Variants in ADK observed in about 807,000 individuals in gnomAD.
ADK encodes adenosine kinase.
A neutral mutation model predicts 44.7 loss-of-function variants in ADK; 24 were observed. That is an observed-to-expected ratio of 0.54 (90% CI 0.39 to 0.76). The LOEUF is 0.76. Among genes scored for constraint, ADK ranks in the 30% least tolerant of loss-of-function variants. The pLI, the probability that ADK is intolerant of heterozygous loss-of-function variation, is 0.00. For synonymous variants in ADK, 128 were observed against 142.6 expected, an observed-to-expected ratio of 0.90 and a Z score of 0.73; for missense variants, 321 against 425.1, an observed-to-expected ratio of 0.76 and a Z score of 2.15.
intron 2 of ADK, among the ~76,000 whole-genome samples, chr10:74,219,072 G>C (rs1231767181): frequency 6.6e-6 from 1 of 152,018 alleles, no homozygotes; most frequent in Non-Finnish European, 1.5e-5. Flanking sequence ...ACACAGACTG[G>C]CAAATTGGAT....
chr10:74,623,536 A>G (rs1853075013), intron 9 of ADK, among the ~76,000 whole-genome samples: 1 of 151,946 alleles, frequency 6.6e-6, no homozygotes, highest in Non-Finnish European at 1.5e-5. Flanking sequence ...CAATTCTAAG[A>G]CTTCTCTTTA....
chr10:74,195,836 G>A (rs948221926), intron 1 of ADK, among the ~76,000 whole-genome samples: 44 of 149,660 alleles, frequency 2.9e-4, no homozygotes, highest in Admixed American at 2.4e-3. Flanking sequence ...GCCACCACAC[G>A]CGGCTAATTT....
chr10:74,552,227 A>G (rs1362659784), intron 7 of ADK, among the ~76,000 whole-genome samples: 1 of 152,128 alleles, frequency 6.6e-6, no homozygotes, highest in Non-Finnish European at 1.5e-5. Context: ...GAAATGTCTT[A>G]GCCCTTTCCA....
chr10:74,642,073 G>A (rs1001861128), intron 9 of ADK, among the ~76,000 whole-genome samples: 22 of 152,162 alleles, frequency 1.4e-4, no homozygotes, highest in Non-Finnish European at 3.2e-4. Context: ...TATCACAACA[G>A]ATTGAATACT....
At chr10:74,287,247 G>A (rs1847202596) in intron 3 of ADK, among the ~76,000 whole-genome samples, 2 of 152,048 alleles carry the variant, frequency 1.3e-5, no homozygotes, top group Admixed American at 6.6e-5. Flanking sequence ...GGCAGATCAC[G>A]TGGTCAGGAG....
intron 4 of ADK, among the ~76,000 whole-genome samples, chr10:74,334,786 G>T (rs1222508876): frequency 5.3e-5 from 8 of 152,090 alleles, no homozygotes; most frequent in Admixed American, 5.2e-4. Flanking sequence ...CTGGTCTCCA[G>T]AGCAGACTTG....
chr10:74,708,344 G>T lies in ADK; in HGVS notation c.988G>T (p.Asp330Tyr). ...AGGTTTTCTGTCTCAACTGGTCTCT[G>T]ACAAGCCTCTGACTGAATGTATCCG... ...VGGFLSQLVS[D>Y]KPLTECIRAG... The change falls in exon 11 of 11, where the codon GAC becomes TAC. Residue 330 changes from aspartate (D) to tyrosine (Y), a missense_variant. Asp to Tyr is a radical substitution (Grantham distance 160, BLOSUM62 -3). Coordinates refer to ENST00000539909, the MANE Select transcript of ADK (RefSeq NM_006721.4). 6.2e-7 allele frequency: 1 copy of T among 1,611,294 alleles called. No homozygotes were observed. The highest frequency in any genetic ancestry group is 1.1e-5 in the South Asian group (1 of 91,008).
intron 9 of ADK, among the ~76,000 whole-genome samples, chr10:74,628,038 G>T (rs998703132): frequency 6.6e-5 from 10 of 152,116 alleles, no homozygotes; most frequent in African/African-American, 9.7e-5. Flanking sequence ...GGGATCATTA[G>T]GTTTCTTTGA....
rs73276274 is a variant in ADK at position 74,634,948 on chromosome 10, A to G, written c.877+34455A>G. On this transcript the variant is annotated intron_variant, in intron 9 of 10. Transcript: ENST00000539909. ...TGGACAGAGCAAGACTCCATCTCAG[A>G]AAAAAAACCCACAAAAACAGAGAAC... Among the ~76,000 whole-genome samples the G allele has an allele frequency of 7.9e-3, 1,207 of 152,016 alleles. 14 individuals carry two copies. Among genetic ancestry groups the G allele is most frequent in the African/African-American group, 0.027 (1,134 of 41,470 alleles).
rs149001449 is a variant in ADK, at chr10:74,680,982, A to T, written c.964+10713A>T. On this transcript the variant is annotated intron_variant, in intron 10 of 10. Coordinates refer to ENST00000539909, the MANE Select transcript of ADK (RefSeq NM_006721.4). ...ATGCTCTTAAAATTTTAGAACCATC[A>T]TGCTATGAGAAATTTTCAGTTGATC... Among the ~76,000 whole-genome samples, 8 of 152,348 alleles carry T rather than the reference A, an allele frequency of 5.3e-5. No individual in the cohort carries two copies. The East Asian group carries it at 1.5e-3, about 29-fold the overall frequency.
intron 7 of ADK, among the ~76,000 whole-genome samples, chr10:74,583,229 A>G (rs116209938): frequency 6.6e-6 from 1 of 152,174 alleles, no homozygotes; most frequent in Non-Finnish European, 1.5e-5. Flanking sequence ...GTTAAATTTC[A>G]GCATGACTTA....
At chr10:74,205,309 A>G (rs367597249) in intron 2 of ADK, among the ~76,000 whole-genome samples, 1 of 152,176 alleles carries the variant, frequency 6.6e-6, no homozygotes, top group East Asian at 1.9e-4. Flanking sequence ...ACTTACCCAC[A>G]TTATCACTCT....
chr10:74,158,007 C>A (rs1841800131), intron 1 of ADK, among the ~76,000 whole-genome samples: 1 of 151,612 alleles, frequency 6.6e-6, no homozygotes. Flanking sequence ...TTAAGAAAGA[C>A]CAGTTCTCAG....
At chr10:74,188,438 T>C (rs1008200055) in intron 1 of ADK, among the ~76,000 whole-genome samples, 1 of 135,472 alleles carries the variant, frequency 7.4e-6, no homozygotes, top group African/African-American at 2.7e-5. Context: ...AAGCTCCGCC[T>C]CCCGGGTTCA....
chr10:74,484,070 C>T (rs1295541149), intron 6 of ADK, among the ~76,000 whole-genome samples: 6 of 152,224 alleles, frequency 3.9e-5, no homozygotes, highest in East Asian at 1.9e-4. Flanking sequence ...ACCATTTTTC[C>T]GTATTAGTTT....
At chr10:74,196,666 G>A (rs1843165534) in intron 1 of ADK, among the ~76,000 whole-genome samples, 1 of 152,114 alleles carries the variant, frequency 6.6e-6, no homozygotes, top group African/African-American at 2.4e-5. Context: ...ACTTTCAGTT[G>A]TAAGTAACTA....
chr10:74,495,308 T>TC (rs1048167388), intron 6 of ADK, among the ~76,000 whole-genome samples: 2 of 152,138 alleles, frequency 1.3e-5, no homozygotes, highest in Non-Finnish European at 2.9e-5. Flanking sequence ...TCCTTTTTTT[T>TC]CTCTTTCATT....
intron 10 of ADK, among the ~76,000 whole-genome samples, chr10:74,697,221 A>G (rs1211254770): frequency 1.3e-5 from 2 of 152,178 alleles, no homozygotes; most frequent in Non-Finnish European, 2.9e-5. Flanking sequence ...TCAGCGTAAT[A>G]TATACTTGTA....
At chr10:74,662,538 C>T (rs987963949) in intron 9 of ADK, among the ~76,000 whole-genome samples, 2 of 152,160 alleles carry the variant, frequency 1.3e-5, no homozygotes, top group African/African-American at 2.4e-5. Flanking sequence ...GCCTCAGCCT[C>T]CCAAAGTGCT....
Sources: gnomAD v4.1 joint callset for allele counts (sites outside exome capture counted in the v4.1 genomes callset) on GRCh38, gnomAD v4.1.1 for gene constraint, MANE v1.5 for transcripts, NCBI Gene and HGNC (gene_info 2026-07-23, HGNC 2026-07-21) for gene names.